The following DPT variants were observed in gnomAD, a reference collection of about 807,000 sequenced individuals.
DPT encodes dermatopontin, also known as tyrosine-rich acidic matrix protein.
A neutral mutation model predicts 31.2 loss-of-function variants in DPT; 21 were observed. The ratio of observed to expected loss-of-function variants is 0.67; its 90% confidence interval spans 0.48 to 0.97. The LOEUF (loss-of-function observed/expected upper bound fraction) is 0.97, where lower values mean the gene tolerates loss of function less well. DPT is among the 50% of genes least tolerant of loss of function. DPT has a pLI of 0.00. For synonymous variants in DPT, 91 were observed against 86.9 expected, an observed-to-expected ratio of 1.05 and a Z score of -0.26; for missense variants, 262 against 258.8, an observed-to-expected ratio of 1.01 and a Z score of -0.08.
intron 2 of DPT, among the ~76,000 whole-genome samples, chr1:168,706,878 G>A (rs1572626748): frequency 6.6e-6 from 1 of 152,302 alleles, no homozygotes; most frequent in South Asian, 2.1e-4. Context: ...TTTGACTCGT[G>A]TTGATTTTCA....
intron 1 of DPT, among the ~76,000 whole-genome samples, chr1:168,722,502 G>T (rs919697375): frequency 1.3e-5 from 2 of 152,162 alleles, no homozygotes; most frequent in Non-Finnish European, 2.9e-5. Context: ...TGCAGGCATT[G>T]TGCTTAGCAC....
intron 2 of DPT, among the ~76,000 whole-genome samples, chr1:168,713,710 C>T (rs1032102223): frequency 9.2e-5 from 14 of 152,106 alleles, no homozygotes; most frequent in African/African-American, 2.7e-4. Context: ...ATCCAGAAAA[C>T]AGCACAATCT....
intron 1 of DPT, among the ~76,000 whole-genome samples, chr1:168,714,603 T>A (rs1649936558): frequency 6.6e-6 from 1 of 152,316 alleles, no homozygotes; most frequent in East Asian, 1.9e-4. Context: ...TCAATATATA[T>A]TGTTAGATGG....
chr1:168,701,073 G>T lies in DPT; in HGVS notation c.483C>A (p.Ser161=). Residue 161 remains serine, a synonymous_variant, in exon 3 of 4, where the codon TCC becomes TCA. Transcript: ENST00000367817. The stretch of plus-strand genomic sequence containing the variant: ...CTCGGATATAGTAATCATAATTGTA[G>T]GAAATCATGTCCATTTCCTCACCAT... ...GHYGEEMDMI[S]YNYDYYIRGA... The T allele has an allele frequency of 1.2e-6, 2 of 1,613,948 alleles. No individual in the cohort carries two copies. The highest frequency in any genetic ancestry group is 2.2e-5 in the South Asian group (2 of 91,064).
intron 3 of DPT, among the ~76,000 whole-genome samples, 196 bp downstream of exon 3, chr1:168,700,821 A>G (rs1336947517): frequency 1.3e-5 from 2 of 152,156 alleles, no homozygotes; most frequent in Non-Finnish European, 2.9e-5. Context: ...AAACTAAGAT[A>G]AGTAAAACCT....
Position 168,725,253 on chromosome 1 carries a change from C to CCTTTCCTTTCCTTTCCTTTCCTTTA in DPT, c.305+3616_305+3617insTAAAGGAAAGGAAAGGAAAGGAAAG, listed in dbSNP as rs61039105. On this transcript the variant is annotated intron_variant, in intron 1 of 3. Coordinates refer to ENST00000367817, the MANE Select transcript of DPT (RefSeq NM_001937.5). ...CCTTTCCTTTCCTTTCCTTTCCTTT[C>CCTTTCCTTTCCTTTCCTTTCCTTTA]TCTTTCCCTTCCTTTCTTCCTTCCT... Among the ~76,000 whole-genome samples, 155 of 50,458 alleles carry CCTTTCCTTTCCTTTCCTTTCCTTTA rather than the reference C, an allele frequency of 3.1e-3. 4 individuals are homozygous for CCTTTCCTTTCCTTTCCTTTCCTTTA. The highest frequency in any genetic ancestry group is 0.016 in the Middle Eastern group (1 of 64). 33.1% of individuals were successfully genotyped at this position (50,458 alleles called of 152,430 possible).
chr1:168,701,237 G>C (rs1370043310), intron 2 of DPT, 113 bp from the exon 3 acceptor site: 8 of 820,340 alleles, frequency 9.8e-6, no homozygotes, highest in Non-Finnish European at 1.6e-5. Context: ...GGCAAATCCA[G>C]ACTGAAGTTA....
At chr1:168,714,587 C>T (rs1572629870) in intron 1 of DPT, among the ~76,000 whole-genome samples, 2 of 152,164 alleles carry the variant, frequency 1.3e-5, no homozygotes, top group African/African-American at 2.4e-5. Context: ...CCCTGTCATA[C>T]CTCTTTCAAT....
chr1:168,702,788 T>C (rs1463172082), intron 2 of DPT, among the ~76,000 whole-genome samples: 8 of 152,092 alleles, frequency 5.3e-5, no homozygotes, highest in African/African-American at 1.9e-4. Context: ...ATTTTTGTAT[T>C]TTTAATAGGG....
chr1:168,718,757 G>T (rs141821693), intron 1 of DPT, among the ~76,000 whole-genome samples: 1 of 152,160 alleles, frequency 6.6e-6, no homozygotes, highest in East Asian at 1.9e-4. Flanking sequence ...TAAAGTTATC[G>T]TGAAGACCAA....
At chr1:168,716,343 G>A (rs969654685) in intron 1 of DPT, among the ~76,000 whole-genome samples, 3 of 151,970 alleles carry the variant, frequency 2.0e-5, no homozygotes, top group Middle Eastern at 6.8e-3. Flanking sequence ...CTCGGTATTC[G>A]GTCAACCATG....
intron 2 of DPT, among the ~76,000 whole-genome samples, chr1:168,713,465 C>T (rs1478552973): frequency 6.6e-6 from 1 of 152,186 alleles, no homozygotes; most frequent in African/African-American, 2.4e-5. Context: ...TTGAGGGAGC[C>T]AACCTTCACA....
chr1:168,726,410 A>G (rs962211725), intron 1 of DPT, among the ~76,000 whole-genome samples: 2 of 152,262 alleles, frequency 1.3e-5, no homozygotes, highest in African/African-American at 4.8e-5. Flanking sequence ...GGATGAACAC[A>G]AAGATCAACA....
intron 3 of DPT, among the ~76,000 whole-genome samples, chr1:168,700,385 T>A (rs752513378): frequency 6.6e-6 from 1 of 152,108 alleles, no homozygotes; most frequent in Non-Finnish European, 1.5e-5. Flanking sequence ...AAATTTCTAT[T>A]GTTCGTAAGT....
intron 1 of DPT, among the ~76,000 whole-genome samples, chr1:168,718,725 C>T (rs899911428): frequency 6.6e-6 from 1 of 152,158 alleles, no homozygotes; most frequent in African/African-American, 2.4e-5. Flanking sequence ...GTAAAATGGG[C>T]ATAATAATAG....
At chr1:168,700,628 G>A (rs931624658) in intron 3 of DPT, among the ~76,000 whole-genome samples, 1 of 152,154 alleles carries the variant, frequency 6.6e-6, no homozygotes, top group Non-Finnish European at 1.5e-5. Context: ...TTGAAATTGA[G>A]TGAGGGGAAA....
chr1:168,714,488 TTATTA>T, intron 1 of DPT, 142 bp from the exon 2 acceptor site: 4 of 1,091,272 alleles, frequency 3.7e-6, no homozygotes, highest in Non-Finnish European at 5.1e-6. Flanking sequence ...ATAATAGTCT[TTATTA>T]TATTTGTAGA....
chr1:168,696,254 C>T lies in DPT; in HGVS notation c.*295G>A, dbSNP rs1446833026. 6.9e-6 allele frequency: 3 copies of T among 431,846 alleles called. No individual in the cohort carries two copies. The highest frequency in any genetic ancestry group is 1.2e-5 in the Non-Finnish European group (3 of 246,292). 26.8% of individuals were successfully genotyped at this position (431,846 alleles called of 1,614,324 possible). A position where few individuals can be genotyped will look rare whatever the true frequency, so the allele number is the denominator to read the frequency against. The stretch of plus-strand genomic sequence containing the variant: ...CAGGCTGCAGCTGGTGCTCCAGAAG[C>T]CCGGCTGTAAGCATGCGCACTGTAT... On this transcript the variant is annotated 3_prime_UTR_variant, in exon 4 of 4. Coordinates refer to ENST00000367817, the MANE Select transcript of DPT (RefSeq NM_001937.5).
At chr1:168,699,309 G>C (rs1461918985) in intron 3 of DPT, among the ~76,000 whole-genome samples, 1 of 151,952 alleles carries the variant, frequency 6.6e-6, no homozygotes, top group Non-Finnish European at 1.5e-5. Flanking sequence ...GAGTTCTTGA[G>C]CCTTTCATTT....
Sources: allele counts gnomAD v4.1 joint callset (sites outside exome capture counted in the v4.1 genomes callset), GRCh38; gene constraint gnomAD v4.1.1; transcripts MANE v1.5; gene names NCBI Gene and HGNC (gene_info 2026-07-23, HGNC 2026-07-21).